The following TSPAN15 variants were observed in gnomAD, a reference collection of about 807,000 sequenced individuals.
The protein encoded by TSPAN15 is tetraspanin 15, also known as tetraspanin-15.
In TSPAN15, 20 loss-of-function variants were observed where a neutral mutation model predicts 34.5. That is an observed-to-expected ratio of 0.58 (90% CI 0.41 to 0.84). TSPAN15 has a LOEUF of 0.84. Ranked by LOEUF, TSPAN15 falls within the 40% of genes least tolerant of loss-of-function variation. The probability of loss-of-function intolerance (pLI) is 0.00; values close to 1 mark genes in which losing one functional copy is unlikely to be tolerated. For synonymous variants in TSPAN15, 155 were observed against 153.9 expected (o/e 1.01, Z -0.05); for missense variants, 313 against 386.1 (o/e 0.81, Z 1.59).
At chr10:69,487,837 A>G (rs2133121603) in intron 3 of TSPAN15, among the ~76,000 whole-genome samples, 1 of 152,174 alleles carries the variant, frequency 6.6e-6, no homozygotes, top group African/African-American at 2.4e-5. Flanking sequence ...ACAATTTCTC[A>G]TCATCCCCAG....
At chr10:69,495,242 G>A (rs986325250) in intron 3 of TSPAN15, 13 of 212,274 alleles carry the variant, frequency 6.1e-5, no homozygotes, top group Non-Finnish European at 1.1e-4. Context: ...CTGGAACCAG[G>A]ACAGCCAGGT....
intron 5 of TSPAN15, among the ~76,000 whole-genome samples, chr10:69,501,415 AT>A (rs1451427662): frequency 6.6e-6 from 1 of 152,142 alleles, no homozygotes; most frequent in Non-Finnish European, 1.5e-5. Flanking sequence ...CACCTGGATG[AT>A]TTTCTCTAAA....
chr10:69,492,137 G>A (rs189610676), intron 3 of TSPAN15, among the ~76,000 whole-genome samples: 8 of 152,162 alleles, frequency 5.3e-5, no homozygotes, highest in Non-Finnish European at 1.2e-4. Context: ...GCCCCTGCTG[G>A]CATGGCCTGG....
At chr10:69,455,103 A>G (rs1841055938) in intron 1 of TSPAN15, among the ~76,000 whole-genome samples, 1 of 146,682 alleles carries the variant, frequency 6.8e-6, no homozygotes, top group South Asian at 2.2e-4. Flanking sequence ...CGGAGGTTGC[A>G]GTGAGCCTAG....
chr10:69,507,850 T>C (rs1409693867), downstream of TSPAN15, among the ~76,000 whole-genome samples: 1 of 150,978 alleles, frequency 6.6e-6, no homozygotes, highest in Non-Finnish European at 1.5e-5. Context: ...CCACGCCTAT[T>C]TTACCGAGAA....
the TSPAN15 span, among the ~76,000 whole-genome samples, chr10:69,521,292 GT>G: frequency 2.1e-5 from 3 of 142,670 alleles, no homozygotes; most frequent in Admixed American, 7.3e-5. Context: ...GGCAGATCAT[GT>G]GAGGTCAGGA....
chr10:69,490,475 C>A (rs1841944790), intron 3 of TSPAN15, among the ~76,000 whole-genome samples: 2 of 152,232 alleles, frequency 1.3e-5, no homozygotes, highest in African/African-American at 2.4e-5. Context: ...AATCCCAGCA[C>A]TTTGGGAGGC....
the TSPAN15 span, among the ~76,000 whole-genome samples, chr10:69,528,477 A>AGCTCTTC: frequency 1.4e-4 from 21 of 148,500 alleles, 2 homozygotes; most frequent in Non-Finnish European, 2.4e-4. Context: ...TTAGGGTGGC[A>AGCTCTTC]GCTCTTCTCT....
chr10:69,524,297 G>A, the TSPAN15 span, among the ~76,000 whole-genome samples: 11 of 146,818 alleles, frequency 7.5e-5, no homozygotes, highest in Admixed American at 2.8e-4. Context: ...GGTGAAACCC[G>A]TCTCTACTAA....
chr10:69,512,702 T>G, the TSPAN15 span, among the ~76,000 whole-genome samples: 1 of 152,262 alleles, frequency 6.6e-6, no homozygotes, highest in Non-Finnish European at 1.5e-5. Context: ...GCACTCTTTC[T>G]GTCTGGCTTC....
At chr10:69,489,761 C>T (rs2133125471) in intron 3 of TSPAN15, among the ~76,000 whole-genome samples, 1 of 152,388 alleles carries the variant, frequency 6.6e-6, no homozygotes, top group African/African-American at 2.4e-5. Flanking sequence ...CGCTTCTCCA[C>T]TCATAGAGGG....
At position 69,453,034 on chromosome 10, in the gene TSPAN15, T is replaced by C. The variant is rs138215067; in HGVS notation, c.96+1344T>C. On this transcript the variant is annotated intron_variant, in intron 1 of 7. Transcript: ENST00000373290. ...TCTTAGGCAAGTCACTTTCCTGTTT[T>C]GGGCCTCAGAACTGTTCATTGACTT... is the stretch of plus-strand genomic sequence containing the variant. Among the ~76,000 whole-genome samples, 619 of 152,338 alleles carry C rather than the reference T, an allele frequency of 4.1e-3. 4 individuals are homozygous for C. Among genetic ancestry groups the C allele is most frequent in the African/African-American group, 0.014 (588 of 41,566 alleles).
At position 69,495,677 on chromosome 10, in the gene TSPAN15, T is replaced by C. The variant is rs1468336131; in HGVS notation, c.441T>C (p.Phe147=). ...DDLDFKNIMD[F]VQKKFKCCGG... ...TGGACTTCAAAAACATCATGGACTT[T>C]GTTCAGAAAAAGGTGAGCCAGGCGC... Residue 147 remains phenylalanine (F), a synonymous_variant, in exon 4 of 8, where the codon TTT becomes TTC. Coordinates refer to ENST00000373290, the MANE Select transcript of TSPAN15 (RefSeq NM_012339.5). 2 of 1,613,862 alleles carry C rather than the reference T, an allele frequency of 1.2e-6. No individual in the cohort carries two copies. The highest frequency in any genetic ancestry group is 3.3e-5 in the Admixed American group (2 of 60,030).
At chr10:69,476,949 T>G (rs1020674614) in intron 1 of TSPAN15, among the ~76,000 whole-genome samples, 3 of 152,052 alleles carry the variant, frequency 2.0e-5, no homozygotes, top group Admixed American at 1.3e-4. Context: ...CTTTAGCGGT[T>G]TGGATTGGGG....
chr10:69,485,011 T>A (rs1841820653), intron 2 of TSPAN15, 130 bp from the exon 3 acceptor site: 1 of 848,234 alleles, frequency 1.2e-6, no homozygotes, highest in African/African-American at 1.7e-5. Flanking sequence ...GGCAGAGGCC[T>A]AGGAGCTGGT....
At chr10:69,510,732 T>C (rs534789524), downstream of TSPAN15, among the ~76,000 whole-genome samples, 1 of 152,238 alleles carries the variant, frequency 6.6e-6, no homozygotes, top group Non-Finnish European at 1.5e-5. Flanking sequence ...TAGCTCTTAT[T>C]ATTTTGAGAT....
At chr10:69,452,233 C>G (rs1056650697) in intron 1 of TSPAN15, among the ~76,000 whole-genome samples, 4 of 152,224 alleles carry the variant, frequency 2.6e-5, no homozygotes, top group African/African-American at 9.7e-5. Context: ...GACGACGTCT[C>G]CTGCACACCT....
chr10:69,537,283 A>G, the TSPAN15 span, among the ~76,000 whole-genome samples: 1 of 152,342 alleles, frequency 6.6e-6, no homozygotes, highest in South Asian at 2.1e-4. Context: ...GGCACTGCAT[A>G]TGGCTGGCCT....
At chr10:69,492,428 A>G (rs2133131119) in intron 3 of TSPAN15, among the ~76,000 whole-genome samples, 1 of 152,264 alleles carries the variant, frequency 6.6e-6, no homozygotes, top group South Asian at 2.1e-4. Context: ...ACACACGTGC[A>G]CACACATACA....
Sources: allele counts gnomAD v4.1 joint callset (sites outside exome capture counted in the v4.1 genomes callset), GRCh38; gene constraint gnomAD v4.1.1; transcripts MANE v1.5; gene names NCBI Gene and HGNC (gene_info 2026-07-23, HGNC 2026-07-21).